Variants in RAB38 observed in about 807,000 individuals in gnomAD.
RAB38 encodes ras-related protein Rab-38.
Under a neutral mutation model 18.4 loss-of-function variants are expected in RAB38, and 15 were observed. The observed-to-expected ratio is 0.82, with a 90% CI of 0.55 to 1.26. RAB38 has a LOEUF of 1.26. Among genes scored for constraint, RAB38 ranks in the 50% most tolerant of loss-of-function variants. RAB38 has a pLI of 0.00. For synonymous variants in RAB38, 101 were observed against 104.4 expected, an observed-to-expected ratio of 0.97 and a Z score of 0.20; for missense variants, 294 against 267.4, an observed-to-expected ratio of 1.10 and a Z score of -0.69.
At chr11:87,915,838 G>T in the RAB38 span, among the ~76,000 whole-genome samples, 6 of 152,230 alleles carry the variant, frequency 3.9e-5, no homozygotes, top group South Asian at 8.3e-4. Context: ...GCCATGAGGT[G>T]GGACTGACTG....
the RAB38 span, among the ~76,000 whole-genome samples, chr11:87,820,538 T>C: frequency 1.1e-4 from 17 of 152,308 alleles, no homozygotes; most frequent in East Asian, 3.1e-3. Flanking sequence ...TGGTCAAGAA[T>C]TGGCAACATT....
the RAB38 span, among the ~76,000 whole-genome samples, chr11:87,975,011 A>G: frequency 6.6e-6 from 1 of 151,862 alleles, no homozygotes; most frequent in Non-Finnish European, 1.5e-5. Context: ...GAATAATGGA[A>G]AAGCCGTTCT....
chr11:88,102,792 T>A, the RAB38 span, among the ~76,000 whole-genome samples: 2 of 152,082 alleles, frequency 1.3e-5, no homozygotes, highest in South Asian at 4.1e-4. Context: ...ATAGGCATGA[T>A]GATACAGGCT....
At chr11:87,948,017 G>C in the RAB38 span, among the ~76,000 whole-genome samples, 7 of 152,170 alleles carry the variant, frequency 4.6e-5, no homozygotes, top group East Asian at 9.7e-4. Flanking sequence ...TTGATTCTTT[G>C]TACCCATGAG....
the RAB38 span, among the ~76,000 whole-genome samples, chr11:87,830,535 G>A: frequency 6.6e-6 from 1 of 151,212 alleles, no homozygotes; most frequent in Non-Finnish European, 1.5e-5. Flanking sequence ...TTGAGTCCTT[G>A]TATGCTAGAG....
chr11:87,951,809 T>TG, the RAB38 span, among the ~76,000 whole-genome samples: 438 of 152,190 alleles, frequency 2.9e-3, 1 homozygote, highest in African/African-American at 0.01. Flanking sequence ...CTGCCCCTAC[T>TG]GGGGGGGTGC....
rs529926384 is a variant in RAB38, at chr11:88,139,072, C to A, written c.483+10603G>T. 9.3e-4 allele frequency among the ~76,000 whole-genome samples: 142 copies of A among 152,260 alleles called. 1 individual carries two copies. Among genetic ancestry groups the A allele is most frequent in the African/African-American group, 3.3e-3 (136 of 41,538 alleles). ...GTGCTGGGATAACAGGTGTGAGCCA[C>A]CATGCCTGGCCTATTATTCTTAATA... On this transcript the variant is annotated intron_variant, in intron 2 of 2. Transcript: ENST00000243662.
At chr11:88,005,142 C>G in the RAB38 span, among the ~76,000 whole-genome samples, 1 of 151,322 alleles carries the variant, frequency 6.6e-6, no homozygotes, top group Non-Finnish European at 1.5e-5. Flanking sequence ...CATAACACTT[C>G]TATGGAAAAT....
the RAB38 span, among the ~76,000 whole-genome samples, chr11:87,902,903 A>G: frequency 6.6e-6 from 1 of 150,940 alleles, no homozygotes; most frequent in Non-Finnish European, 1.5e-5. Flanking sequence ...GCATATATAT[A>G]TAATGCTTGT....
chr11:87,819,421 G>C, the RAB38 span, among the ~76,000 whole-genome samples: 1 of 148,716 alleles, frequency 6.7e-6, no homozygotes, highest in Non-Finnish European at 1.5e-5. Flanking sequence ...TGAAAAACGA[G>C]AAAATGAGGA....
the RAB38 span, among the ~76,000 whole-genome samples, chr11:87,833,264 C>T: frequency 6.6e-6 from 1 of 152,164 alleles, no homozygotes; most frequent in African/African-American, 2.4e-5. Context: ...ACTCTACCTT[C>T]ACTTCATCAG....
chr11:88,169,157 A>T (rs534639179), intron 1 of RAB38, among the ~76,000 whole-genome samples: 1 of 152,202 alleles, frequency 6.6e-6, no homozygotes, highest in Non-Finnish European at 1.5e-5. Context: ...GACTGGTGAC[A>T]TATGAGGGTC....
the RAB38 span, among the ~76,000 whole-genome samples, chr11:88,011,467 A>G: frequency 5.9e-5 from 9 of 152,220 alleles, no homozygotes; most frequent in Non-Finnish European, 1.5e-5. Context: ...AGAGTAACAT[A>G]AATAGTAAAT....
chr11:87,811,202 TG>T, the RAB38 span, among the ~76,000 whole-genome samples: 3 of 152,170 alleles, frequency 2.0e-5, no homozygotes, highest in Non-Finnish European at 4.4e-5. Context: ...CTTTTTCTAG[TG>T]GAGTGTCCCT....
At chr11:88,016,654 T>C in the RAB38 span, among the ~76,000 whole-genome samples, 3 of 152,028 alleles carry the variant, frequency 2.0e-5, no homozygotes, top group Non-Finnish European at 4.4e-5. Context: ...ATGTGCACTT[T>C]AGTCCATTTT....
the RAB38 span, among the ~76,000 whole-genome samples, chr11:87,828,908 T>C: frequency 6.6e-6 from 1 of 152,214 alleles, no homozygotes; most frequent in Non-Finnish European, 1.5e-5. Flanking sequence ...TGTTTGAATA[T>C]TGCAGTCATT....
the RAB38 span, among the ~76,000 whole-genome samples, chr11:88,033,814 G>A: frequency 5.1e-5 from 7 of 136,058 alleles, no homozygotes; most frequent in South Asian, 5.0e-4. Flanking sequence ...TGCAAGCTCC[G>A]CCTCCCGGGT....
At chr11:88,004,618 T>G in the RAB38 span, among the ~76,000 whole-genome samples, 1 of 151,190 alleles carries the variant, frequency 6.6e-6, no homozygotes, top group South Asian at 2.1e-4. Flanking sequence ...ATGGTTGAAG[T>G]TCCTAGTTAG....
intron 2 of RAB38, among the ~76,000 whole-genome samples, chr11:88,139,710 G>T (rs1032124407): frequency 6.6e-6 from 1 of 152,150 alleles, no homozygotes; most frequent in Non-Finnish European, 1.5e-5. Context: ...TATATTCTAA[G>T]CCCCTCTAGA....
Sources: gnomAD v4.1 joint callset for allele counts (sites outside exome capture counted in the v4.1 genomes callset) on GRCh38, gnomAD v4.1.1 for gene constraint, MANE v1.5 for transcripts, NCBI Gene and HGNC (gene_info 2026-07-23, HGNC 2026-07-21) for gene names.